The following STK38L variants were observed in gnomAD, a reference collection of about 807,000 sequenced individuals.
STK38L encodes serine/threonine-protein kinase 38-like.
In STK38L, 28 loss-of-function variants were observed where a neutral mutation model predicts 59.7. That is an observed-to-expected ratio of 0.47 (90% confidence interval 0.35 to 0.64). STK38L has a LOEUF of 0.64. Among genes scored for constraint, STK38L ranks in the 30% least tolerant of loss-of-function variants. STK38L has a pLI of 0.01. For missense variants in STK38L, 314 were observed against 555.8 expected, an observed-to-expected ratio of 0.56 and a Z score of 4.37; for synonymous variants, 162 against 176.8, an observed-to-expected ratio of 0.92 and a Z score of 0.66.
chr12:27,296,323 G>T (rs1322649525), intron 1 of STK38L, among the ~76,000 whole-genome samples: 1 of 152,232 alleles, frequency 6.6e-6, no homozygotes, highest in Non-Finnish European at 1.5e-5. Context: ...CTCATTTAAA[G>T]TAGTCAGCAG....
chr12:27,320,464 T>TG (rs1491157593), intron 12 of STK38L, among the ~76,000 whole-genome samples: 4 of 136,048 alleles, frequency 2.9e-5, no homozygotes, highest in Non-Finnish European at 6.6e-5. Context: ...TTTTTTTTTT[T>TG]GTAGAGATGG....
At chr12:27,249,761 C>G (rs970162554) in intron 1 of STK38L, among the ~76,000 whole-genome samples, 2 of 152,162 alleles carry the variant, frequency 1.3e-5, no homozygotes, top group African/African-American at 4.8e-5. Context: ...TTTTCCTTGC[C>G]TTTTGCTGAT....
chr12:27,257,424 A>G (rs1321622824), intron 1 of STK38L, among the ~76,000 whole-genome samples: 2 of 152,244 alleles, frequency 1.3e-5, no homozygotes, highest in Non-Finnish European at 2.9e-5. Context: ...ACCTCAGATT[A>G]ATATAACCTC....
chr12:27,297,666 G>T (rs558907840), intron 1 of STK38L, 44 bp from the exon 2 acceptor site: 213 of 1,560,626 alleles, frequency 1.4e-4, no homozygotes, highest in East Asian at 1.2e-3. Context: ...AAAGATAGGG[G>T]TTTTTTTTCC....
At chr12:27,305,296 C>T (rs1446506591) in intron 3 of STK38L, among the ~76,000 whole-genome samples, 1 of 152,210 alleles carries the variant, frequency 6.6e-6, no homozygotes, top group Non-Finnish European at 1.5e-5. Context: ...TCAGCAAGTA[C>T]TGACTACATT....
intron 1 of STK38L, among the ~76,000 whole-genome samples, chr12:27,261,670 A>G (rs1293699089): frequency 6.6e-6 from 1 of 152,198 alleles, no homozygotes; most frequent in Non-Finnish European, 1.5e-5. Context: ...AAAATTACAT[A>G]GTGATTAGAA....
At chr12:27,261,951 G>A (rs1943211511) in intron 1 of STK38L, among the ~76,000 whole-genome samples, 1 of 152,188 alleles carries the variant, frequency 6.6e-6, no homozygotes, top group Admixed American at 6.5e-5. Context: ...CTGTTTATTA[G>A]CATATGCATG....
chr12:27,302,036 T>A, intron 2 of STK38L, 101 bp from the exon 3 acceptor site: 4 of 793,968 alleles, frequency 5.0e-6, no homozygotes, highest in East Asian at 3.3e-5. Context: ...TTTTTTAGCC[T>A]AGCAAGCTGA....
intron 1 of STK38L, among the ~76,000 whole-genome samples, chr12:27,259,300 T>TA (rs1249145419): frequency 1.3e-5 from 2 of 152,200 alleles, no homozygotes; most frequent in Non-Finnish European, 2.9e-5. Flanking sequence ...CCTGACTTGT[T>TA]AAAGAGTTAT....
At chr12:27,317,588 A>T in intron 10 of STK38L, 135 bp downstream of exon 10, 1 of 800,812 alleles carries the variant, frequency 1.2e-6, no homozygotes, top group Non-Finnish European at 2.0e-6. Flanking sequence ...CCAATGTTAA[A>T]TACATACTGA....
At position 27,322,650 on chromosome 12, in the gene STK38L, T is replaced by A. The variant is rs559095940; in HGVS notation, c.*195T>A. 66 of 532,822 alleles carry A rather than the reference T, an allele frequency of 1.2e-4. No homozygotes were observed. Among genetic ancestry groups the A allele is most frequent in the African/African-American group, 3.0e-4 (15 of 50,584 alleles). The allele number at this position is 532,822 out of a possible 1,614,324, so 33.0% of individuals were successfully genotyped here. The stretch of plus-strand genomic sequence containing the variant: ...GGCAGTGCCAGCTGGCTCTTTTTTT[T>A]AATATTTTATTATTTTTGTTAACTT... On this transcript the variant is annotated 3_prime_UTR_variant, in exon 14 of 14. Coordinates refer to ENST00000389032, the MANE Select transcript of STK38L (RefSeq NM_015000.4).
chr12:27,277,438 G>A (rs949766807), intron 1 of STK38L, among the ~76,000 whole-genome samples: 2 of 151,436 alleles, frequency 1.3e-5, no homozygotes, highest in African/African-American at 4.9e-5. Flanking sequence ...AGGAGGACTC[G>A]AAGGAACCTC....
chr12:27,315,173 G>A (rs1006688867), intron 8 of STK38L, 56 bp downstream of exon 8: 1 of 1,575,558 alleles, frequency 6.3e-7, no homozygotes, highest in African/African-American at 1.3e-5. Context: ...GTAGAGAACA[G>A]AAGGTTCTTT....
At chr12:27,282,691 A>G (rs1326016193) in intron 1 of STK38L, among the ~76,000 whole-genome samples, 2 of 152,234 alleles carry the variant, frequency 1.3e-5, no homozygotes, top group African/African-American at 2.4e-5. Flanking sequence ...CTTTGACTCA[A>G]CAATTGCACA....
At chr12:27,255,263 T>C (rs554170826) in intron 1 of STK38L, among the ~76,000 whole-genome samples, 37 of 152,308 alleles carry the variant, frequency 2.4e-4, no homozygotes, top group African/African-American at 7.0e-4. Flanking sequence ...ACCAAGAGTG[T>C]AACTGGACCC....
intron 1 of STK38L, among the ~76,000 whole-genome samples, chr12:27,263,467 C>G (rs1258481511): frequency 6.6e-6 from 1 of 152,192 alleles, no homozygotes; most frequent in African/African-American, 2.4e-5. Flanking sequence ...TTATTATCCC[C>G]TTGGAAGATG....
At position 27,323,396 on chromosome 12, in the gene STK38L, G is replaced by C. The variant is rs541609052; in HGVS notation, c.*941G>C. On this transcript the variant is annotated 3_prime_UTR_variant, in exon 14 of 14. Coordinates refer to ENST00000389032, the MANE Select transcript of STK38L (RefSeq NM_015000.4). Reference sequence around the variant, plus strand: ...ATGTCAAACTTCTATCATGTAAATGGACTTATAGAGAACAAAAAGCTATTT... The same window carrying C: ...ATGTCAAACTTCTATCATGTAAATGCACTTATAGAGAACAAAAAGCTATTT... 2.6e-5 allele frequency: 4 copies of C among 152,588 alleles called. No homozygotes were observed. The South Asian group carries it at 8.3e-4, about 32-fold the overall frequency. The allele number at this position is 152,588 out of a possible 1,614,324, so 9.5% of individuals were successfully genotyped here.
At position 27,297,666 on chromosome 12, in the gene STK38L, G is replaced by A. The variant is rs558907840; in HGVS notation, c.-11-44G>A. Reference sequence around the variant, plus strand: ...TCAGAGTTTATTATAAAAGATAGGGGTTTTTTTTCCCACTGAATAATTTGT... The same window carrying A: ...TCAGAGTTTATTATAAAAGATAGGGATTTTTTTTCCCACTGAATAATTTGT... On this transcript the variant is annotated intron_variant, in intron 1 of 13. Coordinates refer to ENST00000389032, the MANE Select transcript of STK38L (RefSeq NM_015000.4). The A allele has an allele frequency of 5.8e-6, 9 of 1,560,642 alleles. No individual in the cohort carries two copies. In the South Asian group the frequency reaches 9.7e-5, roughly 17 times the overall value.
intron 1 of STK38L, among the ~76,000 whole-genome samples, chr12:27,258,510 G>A (rs10842890): frequency 0.064 from 9,615 of 151,104 alleles, 414 homozygotes; most frequent in Non-Finnish European, 0.097. Flanking sequence ...TGTATTTTTA[G>A]TAGAGATGGG....
Sources: allele counts gnomAD v4.1 joint callset (sites outside exome capture counted in the v4.1 genomes callset), GRCh38; gene constraint gnomAD v4.1.1; transcripts MANE v1.5; gene names NCBI Gene and HGNC (gene_info 2026-07-23, HGNC 2026-07-21).